Variants in MPP4 observed in about 807,000 individuals in gnomAD.
MPP4 encodes the protein MAGUK p55 scaffold protein 4, also known as MAGUK p55 subfamily member 4.
A neutral mutation model predicts 98.3 loss-of-function variants in MPP4; 91 were observed. The observed-to-expected ratio is 0.93, with a 90% CI of 0.78 to 1.10. The LOEUF is 1.10. MPP4 is among the 50% of genes least tolerant of loss of function. The pLI is 0.00. For synonymous variants in MPP4, 261 were observed against 271.8 expected, an observed-to-expected ratio of 0.96 and a Z score of 0.39; for missense variants, 744 against 792.9, an observed-to-expected ratio of 0.94 and a Z score of 0.74.
At chr2:201,669,126 G>A (rs919522071) in intron 12 of MPP4, among the ~76,000 whole-genome samples, 2 of 118,966 alleles carry the variant, frequency 1.7e-5, no homozygotes, top group African/African-American at 6.0e-5. Context: ...GTGTGTGAGA[G>A]AGAGAGAGAG....
At position 201,656,186 on chromosome 2, in the gene MPP4, G is replaced by A. The variant is rs553043188; in HGVS notation, c.1300+12C>T. The A allele has an allele frequency of 1.1e-4, 178 of 1,595,038 alleles. 1 individual carries two copies. In the East Asian group the frequency reaches 3.9e-3, roughly 35 times the overall value. ...TCAAGGAGGAGGAGAGACAGTGCAT[G>A]CTGGGACATACCCATGAGCACTATG... On this transcript the variant is annotated intron_variant, in intron 17 of 21. Coordinates refer to ENST00000409474, the MANE Select transcript of MPP4 (RefSeq NM_033066.3).
Position 201,647,817 on chromosome 2 carries a change from T to C in MPP4, c.1593A>G (p.Gln531=). The C allele has an allele frequency of 1.2e-6, 2 of 1,611,152 alleles. No individual in the cohort carries two copies. Among genetic ancestry groups the C allele is most frequent in the Non-Finnish European group, 1.7e-6 (2 of 1,178,082 alleles). ...GCTTCAGTTCATGGGTTCGAACCCC[T>C]TGAATATCCTACACAGAAAATTTAA... ...CVMDLEPQDI[Q]GVRTHELKPY... Residue 531 remains glutamine, a synonymous_variant, in exon 21 of 22, where the codon CAA becomes CAG. Coordinates refer to ENST00000409474, the MANE Select transcript of MPP4 (RefSeq NM_033066.3).
chr2:201,672,907 C>T (rs755597363), intron 11 of MPP4, among the ~76,000 whole-genome samples: 2 of 152,078 alleles, frequency 1.3e-5, no homozygotes, highest in African/African-American at 2.4e-5. Flanking sequence ...CTGGCAGAGA[C>T]ACACACACAA....
At chr2:201,654,391 A>G (rs1013919139) in intron 18 of MPP4, among the ~76,000 whole-genome samples, 7 of 152,356 alleles carry the variant, frequency 4.6e-5, no homozygotes, top group African/African-American at 1.7e-4. Context: ...TATGTTAACT[A>G]TTATTGCTAA....
rs374495114 is a variant in MPP4 at position 201,654,823 on chromosome 2, A to G, written c.1381+14T>C. On this transcript the variant is annotated intron_variant, in intron 18 of 21. Coordinates refer to ENST00000409474, the MANE Select transcript of MPP4 (RefSeq NM_033066.3). ...CCAAAACACAAACCATTATGAAAGC[A>G]GAACTAAACATACGTGGCACAGCAC... 5 of 1,580,972 alleles carry G rather than the reference A, an allele frequency of 3.2e-6. No homozygotes were observed. The highest frequency in any genetic ancestry group is 4.3e-6 in the Non-Finnish European group (5 of 1,161,754).
chr2:201,645,303 T>G lies in MPP4; in HGVS notation c.1821A>C (p.Ala607=), dbSNP rs1039149121. Residue 607 remains alanine (A), a synonymous_variant, in exon 22 of 22, where the codon GCA becomes GCC. Coordinates refer to ENST00000409474, the MANE Select transcript of MPP4 (RefSeq NM_033066.3). ...GTATGGCAGACAACAACTGGGCACA[T>G]GCATCGTGCAAGCTGTCATTCACAA... The part of the protein sequence containing the change: ...HVIVNDSLHD[A]CAQLLSAIQK... The G allele has an allele frequency of 5.6e-6, 9 of 1,614,028 alleles. No individual in the cohort carries two copies. Among genetic ancestry groups the G allele is most frequent in the African/African-American group, 1.3e-5 (1 of 75,064 alleles).
rs373381262 is a variant in MPP4 at position 201,647,667 on chromosome 2, C to T, written c.1719+24G>A. On this transcript the variant is annotated intron_variant, in intron 21 of 21. Transcript: ENST00000409474. ...CACGCAGAAGCCACTGAAAGCAATA[C>T]AGTAGTTTTTGACTTGCTCTTACCT... 3.5e-5 allele frequency: 57 copies of T among 1,610,456 alleles called. No individual in the cohort carries two copies. The African/African-American group carries it at 6.9e-4, about 20-fold the overall frequency.
At chr2:201,671,905 T>C (rs1188483606) in intron 11 of MPP4, among the ~76,000 whole-genome samples, 1 of 152,182 alleles carries the variant, frequency 6.6e-6, no homozygotes, top group African/African-American at 2.4e-5. Context: ...GTGGACCTAA[T>C]AGACATCTAC....
chr2:201,693,927 G>A lies in MPP4; in HGVS notation c.28C>T (p.Pro10Ser). Residue 10 changes from proline (P) to serine (S), a missense_variant, in exon 2 of 22, where the codon CCA becomes TCA. Coordinates refer to ENST00000409474, the MANE Select transcript of MPP4 (RefSeq NM_033066.3). ...AGCTTCATGTCCTTCTTGTCTGGTG[G>A]ATCTGCTCCTTTGTCTGACTGTATC... Reference protein sequence around the residue: MIQSDKGADPPDKKDMKLST... With the variant: MIQSDKGADSPDKKDMKLST... 5 of 1,613,942 alleles carry A rather than the reference G, an allele frequency of 3.1e-6. No homozygotes were observed. Among genetic ancestry groups the A allele is most frequent in the Non-Finnish European group, 4.2e-6 (5 of 1,179,866 alleles).
intron 10 of MPP4, among the ~76,000 whole-genome samples, chr2:201,678,857 G>A (rs1032535681): frequency 2.6e-5 from 4 of 151,996 alleles, no homozygotes; most frequent in African/African-American, 4.8e-5. Context: ...TCACTCCTAG[G>A]TCTCAACACT....
In MPP4 at chr2:201,656,195, T is replaced by C. The variant is rs890002805; in HGVS notation, c.1300+3A>G. 1 of 1,599,970 alleles carries C rather than the reference T, an allele frequency of 6.3e-7. No homozygotes were observed. ...AGGAGAGACAGTGCATGCTGGGACA[T>C]ACCCATGAGCACTATGAGGCGGTAC... On this transcript the variant is annotated splice_donor_region_variant and intron_variant, in intron 17 of 21. Coordinates refer to ENST00000409474, the MANE Select transcript of MPP4 (RefSeq NM_033066.3).
intron 18 of MPP4, among the ~76,000 whole-genome samples, chr2:201,652,940 C>T (rs894842883): frequency 2.6e-5 from 4 of 152,198 alleles, no homozygotes; most frequent in African/African-American, 9.6e-5. Context: ...CTCTTTCTCT[C>T]CTAAATGATA....
intron 4 of MPP4, among the ~76,000 whole-genome samples, chr2:201,687,813 T>C (rs1033130423): frequency 3.9e-5 from 6 of 152,356 alleles, no homozygotes; most frequent in Admixed American, 1.3e-4. Context: ...TGCTCCATTC[T>C]TCAAATAGAA....
chr2:201,650,697 A>G (rs1034217661), intron 18 of MPP4: 1 of 985,410 alleles, frequency 1.0e-6, no homozygotes, highest in East Asian at 1.1e-4. Context: ...ACTCCTCTAG[A>G]TGAGTGTTTT....
Position 201,647,613 on chromosome 2 carries a change from C to T in MPP4, c.1719+78G>A, listed in dbSNP as rs895997641. ...GGAGGAGGACAATGAGATCAGAGAT[C>T]CTTGGCCCAGCCCAACCCAGATCTC... On this transcript the variant is annotated intron_variant, in intron 21 of 21. Coordinates refer to ENST00000409474, the MANE Select transcript of MPP4 (RefSeq NM_033066.3). The T allele has an allele frequency of 2.7e-6, 4 of 1,509,156 alleles. No homozygotes were observed. The African/African-American group carries it at 5.5e-5, about 21-fold the overall frequency. 93.5% of individuals were successfully genotyped at this position (1,509,156 alleles called of 1,614,324 possible).
At chr2:201,648,765 T>A (rs1036802530) in intron 20 of MPP4, among the ~76,000 whole-genome samples, 1 of 152,182 alleles carries the variant, frequency 6.6e-6, no homozygotes, top group Non-Finnish European at 1.5e-5. Flanking sequence ...TCTAAATGAC[T>A]AAGAAAACAT....
intron 12 of MPP4, 29 bp from the exon 13 acceptor site, chr2:201,666,401 A>G: frequency 6.6e-7 from 1 of 1,511,062 alleles, no homozygotes; most frequent in Non-Finnish European, 8.9e-7. Flanking sequence ...AGGGAGAAAC[A>G]GAATTTAAAA....
Position 201,669,859 on chromosome 2 carries a change from G to A in MPP4, c.995-109C>T, listed in dbSNP as rs1408766118. On this transcript the variant is annotated intron_variant, in intron 11 of 21. Transcript: ENST00000409474. Reference sequence around the variant, plus strand: ...AGAAATGTAATGTGCAAAAATTATTGTAATTAGTATTCTGGGTTTATTCTC... The same window carrying A: ...AGAAATGTAATGTGCAAAAATTATTATAATTAGTATTCTGGGTTTATTCTC... 6 of 817,388 alleles carry A rather than the reference G, an allele frequency of 7.3e-6. No homozygotes were observed. The East Asian group carries it at 1.3e-4, about 18-fold the overall frequency. 50.6% of individuals were successfully genotyped at this position (817,388 alleles called of 1,614,324 possible).
chr2:201,692,265 T>C (rs1283465304), intron 3 of MPP4, among the ~76,000 whole-genome samples: 1 of 152,070 alleles, frequency 6.6e-6, no homozygotes, highest in Non-Finnish European at 1.5e-5. Context: ...TAAGGCTAGC[T>C]GGGTGTGGTG....
Sources: gnomAD v4.1 joint callset for allele counts (sites outside exome capture counted in the v4.1 genomes callset) on GRCh38, gnomAD v4.1.1 for gene constraint, MANE v1.5 for transcripts, NCBI Gene and HGNC (gene_info 2026-07-23, HGNC 2026-07-21) for gene names.